The following CGNL1 variants were observed in gnomAD, a reference collection of about 807,000 sequenced individuals.
CGNL1 encodes cingulin-like protein 1.
Under a neutral mutation model 141.2 loss-of-function variants are expected in CGNL1, and 132 were observed. The ratio of observed to expected loss-of-function variants is 0.93; its 90% CI spans 0.81 to 1.08. The LOEUF is 1.08. CGNL1 is among the 50% of genes least tolerant of loss of function. The pLI is 0.00. For missense variants in CGNL1, 1,870 were observed against 1,588.6 expected, an observed-to-expected ratio of 1.18 and a Z score of -3.01; for synonymous variants, 690 against 622.1, an observed-to-expected ratio of 1.11 and a Z score of -1.63.
chr15:57,456,491 TAA>T (rs377705775), intron 7 of CGNL1, among the ~76,000 whole-genome samples: 2 of 144,264 alleles, frequency 1.4e-5, no homozygotes, highest in Non-Finnish European at 3.0e-5. Flanking sequence ...GGCTTTCACT[TAA>T]AAAAAAAAAT....
chr15:57,462,944 G>T (rs2063465216), intron 8 of CGNL1, among the ~76,000 whole-genome samples: 1 of 152,108 alleles, frequency 6.6e-6, no homozygotes, highest in African/African-American at 2.4e-5. Flanking sequence ...GCTTTGAGGG[G>T]ACATGCCTGT....
intron 8 of CGNL1, among the ~76,000 whole-genome samples, chr15:57,464,806 A>G (rs1402436700): frequency 2.7e-5 from 4 of 147,662 alleles, no homozygotes; most frequent in African/African-American, 7.5e-5. Flanking sequence ...TTGGAGTACA[A>G]TGGCACAGTC....
At chr15:57,413,045 G>T (rs2062807929) in intron 1 of CGNL1, among the ~76,000 whole-genome samples, 1 of 151,948 alleles carries the variant, frequency 6.6e-6, no homozygotes, top group African/African-American at 2.4e-5. Flanking sequence ...AGTTTTAGTA[G>T]AGATGGGGTT....
intron 8 of CGNL1, among the ~76,000 whole-genome samples, chr15:57,462,817 G>A (rs2063463862): frequency 2.0e-5 from 3 of 152,138 alleles, no homozygotes. Context: ...TAGACTGTTT[G>A]GGGTTATTAC....
intron 1 of CGNL1, chr15:57,407,034 A>C (rs1198658924): frequency 6.6e-6 from 1 of 152,178 alleles, no homozygotes; most frequent in African/African-American, 2.4e-5. Flanking sequence ...ATGGGGGTAG[A>C]GCTGGTAACT....
chr15:57,438,289 A>G lies in CGNL1; in HGVS notation c.290A>G (p.Asn97Ser). ...AGCAATGGTTCTGTGCCAAAGGAGA[A>G]CAGTGAAGAACTTCAGCTTCCAGAA... ...HSSNGSVPKE[N>S]SEELQLPENP... The change falls in exon 2 of 19, where the codon AAC (asparagine) becomes AGC (serine). Residue 97 changes from asparagine (N) to serine (S), a missense_variant. Asn to Ser is a conservative substitution (Grantham distance 46). Transcript: ENST00000281282. The G allele has an allele frequency of 6.2e-7, 1 of 1,614,206 alleles. No homozygotes were observed.
At chr15:57,487,307 T>A (rs550102079) in intron 8 of CGNL1, among the ~76,000 whole-genome samples, 1 of 152,082 alleles carries the variant, frequency 6.6e-6, no homozygotes, top group Admixed American at 6.5e-5. Context: ...TTATTCAACT[T>A]TTTTTTTAAA....
chr15:57,531,687 T>C lies in CGNL1; in HGVS notation c.3202-3T>C. 2 of 1,604,158 alleles carry C rather than the reference T, an allele frequency of 1.2e-6. No individual in the cohort carries two copies. Among genetic ancestry groups the C allele is most frequent in the African/African-American group, 2.7e-5 (2 of 74,858 alleles). ...TCAACTGTGTTTGTGATTTCCTTCT[T>C]AGGACAAGGTGTCTCAACTGGAGAT... On this transcript the variant is annotated splice_region_variant and splice_polypyrimidine_tract_variant and intron_variant, in intron 13 of 18. Coordinates refer to ENST00000281282, the MANE Select transcript of CGNL1 (RefSeq NM_032866.5).
rs889258036 is a variant in CGNL1 at position 57,545,579 on chromosome 15, T to C, written c.3501-13T>C. On this transcript the variant is annotated splice_polypyrimidine_tract_variant and intron_variant, in intron 16 of 18. Transcript: ENST00000281282. ...GAGTGAGAGGGTTCTTGGTTCTGTC[T>C]CCCCTCTTCCAGGGATCGGGCCAAT... The C allele has an allele frequency of 8.1e-6, 13 of 1,608,710 alleles. No individual in the cohort carries two copies. The highest frequency in any genetic ancestry group is 1.1e-5 in the South Asian group (1 of 89,880).
intron 10 of CGNL1, among the ~76,000 whole-genome samples, chr15:57,520,954 T>C (rs748243066): frequency 1.8e-4 from 28 of 152,282 alleles, no homozygotes; most frequent in Non-Finnish European, 3.7e-4. Context: ...CTGCGTCTGT[T>C]GACAGATAAT....
chr15:57,471,837 A>G (rs2063585795), intron 8 of CGNL1, among the ~76,000 whole-genome samples: 1 of 152,200 alleles, frequency 6.6e-6, no homozygotes. Flanking sequence ...GTCATTAATT[A>G]AGCAAATATC....
intron 8 of CGNL1, among the ~76,000 whole-genome samples, chr15:57,473,026 G>C (rs1017376231): frequency 3.3e-5 from 5 of 152,114 alleles, no homozygotes; most frequent in Non-Finnish European, 7.4e-5. Context: ...CTGGAAGTGT[G>C]AGTAACAAAG....
At chr15:57,467,863 C>G (rs966470162) in intron 8 of CGNL1, among the ~76,000 whole-genome samples, 1 of 151,576 alleles carries the variant, frequency 6.6e-6, no homozygotes, top group Non-Finnish European at 1.5e-5. Flanking sequence ...CTGATTTTTA[C>G]GTTTTTAGTA....
intron 8 of CGNL1, among the ~76,000 whole-genome samples, chr15:57,482,223 C>G (rs919312698): frequency 2.6e-5 from 4 of 151,738 alleles, no homozygotes; most frequent in African/African-American, 7.3e-5. Flanking sequence ...TCTAGTAAAA[C>G]AAAACAAAAC....
chr15:57,500,540 C>T (rs1396149410), intron 8 of CGNL1, among the ~76,000 whole-genome samples: 1 of 152,182 alleles, frequency 6.6e-6, no homozygotes, highest in Non-Finnish European at 1.5e-5. Context: ...TTCCAGCCAT[C>T]TCGGGGAACT....
intron 1 of CGNL1, among the ~76,000 whole-genome samples, chr15:57,394,704 G>C (rs1239219252): frequency 3.9e-5 from 6 of 152,208 alleles, no homozygotes; most frequent in African/African-American, 1.4e-4. Flanking sequence ...ACCCTGCTTA[G>C]TGTCAATAGT....
intron 8 of CGNL1, among the ~76,000 whole-genome samples, chr15:57,507,001 C>G (rs562976812): frequency 6.6e-6 from 1 of 152,214 alleles, no homozygotes; most frequent in African/African-American, 2.4e-5. Context: ...TTTATATATT[C>G]ACAATTTGGG....
intron 1 of CGNL1, among the ~76,000 whole-genome samples, chr15:57,417,364 G>T (rs529930956): frequency 3.3e-5 from 5 of 152,292 alleles, no homozygotes; most frequent in African/African-American, 4.8e-5. Flanking sequence ...CTCCCGAGTA[G>T]CTGGGATTAC....
At chr15:57,451,726 A>C (rs1468601520) in intron 5 of CGNL1, 125 bp downstream of exon 5, 3 of 679,454 alleles carry the variant, frequency 4.4e-6, no homozygotes, top group Non-Finnish European at 7.5e-6. Context: ...ACATTCCTCT[A>C]ATCACTGAAT....
Sources: gnomAD v4.1 joint callset for allele counts (sites outside exome capture counted in the v4.1 genomes callset) on GRCh38, gnomAD v4.1.1 for gene constraint, MANE v1.5 for transcripts, NCBI Gene and HGNC (gene_info 2026-07-23, HGNC 2026-07-21) for gene names.